ZNF704: variants seen among roughly 807,000 people sequenced by gnomAD.
ZNF704 encodes glucocorticoid induced gene 1.
Under a neutral mutation model 44.7 loss-of-function variants are expected in ZNF704, and 10 were observed. That is an observed-to-expected ratio of 0.22 (90% CI 0.14 to 0.38). ZNF704 has a LOEUF of 0.38. Ranked by LOEUF, ZNF704 falls within the 10% of genes least tolerant of loss-of-function variation. The pLI is 1.00. For synonymous variants in ZNF704, 211 were observed against 207.6 expected, an observed-to-expected ratio of 1.02 and a Z score of -0.14; for missense variants, 390 against 545.5, an observed-to-expected ratio of 0.71 and a Z score of 2.84.
At chr8:80,690,332 T>G (rs1245491549) in intron 3 of ZNF704, among the ~76,000 whole-genome samples, 2 of 152,186 alleles carry the variant, frequency 1.3e-5, no homozygotes, top group Non-Finnish European at 2.9e-5. Context: ...GTAAAAATAA[T>G]GATTACTTTA....
intron 1 of ZNF704, among the ~76,000 whole-genome samples, chr8:80,844,598 T>C (rs1277540667): frequency 6.6e-6 from 1 of 152,180 alleles, no homozygotes; most frequent in Non-Finnish European, 1.5e-5. Flanking sequence ...AGCAGGTGGC[T>C]TTACCATTAC....
intron 4 of ZNF704, among the ~76,000 whole-genome samples, chr8:80,682,210 A>G (rs574818654): frequency 6.6e-6 from 1 of 152,340 alleles, no homozygotes; most frequent in East Asian, 1.9e-4. Flanking sequence ...TGGAGCAGCC[A>G]TTCACAATTT....
chr8:80,674,446 T>C (rs1227453008), intron 4 of ZNF704, among the ~76,000 whole-genome samples: 1 of 152,180 alleles, frequency 6.6e-6, no homozygotes, highest in Non-Finnish European at 1.5e-5. Flanking sequence ...CCTGCTCAGG[T>C]TCTGGTGAGG....
At chr8:80,719,640 T>C (rs1194184504) in intron 2 of ZNF704, among the ~76,000 whole-genome samples, 1 of 152,170 alleles carries the variant, frequency 6.6e-6, no homozygotes, top group African/African-American at 2.4e-5. Context: ...CCATAAATCT[T>C]CTGTGGGGGC....
intron 2 of ZNF704, among the ~76,000 whole-genome samples, chr8:80,774,053 T>C (rs1807368995): frequency 7.3e-6 from 1 of 136,866 alleles, no homozygotes; most frequent in East Asian, 1.9e-4. Context: ...AAATCTTCTT[T>C]TTTTTTTTTT....
At chr8:80,687,861 TCA>T (rs1818566086) in intron 3 of ZNF704, among the ~76,000 whole-genome samples, 1 of 152,170 alleles carries the variant, frequency 6.6e-6, no homozygotes. Flanking sequence ...AATGGTTTGG[TCA>T]CAGAGTTCCC....
rs1242161868 is a variant in ZNF704 at position 80,693,112 on chromosome 8, A to G, written c.222-5T>C. 6.2e-7 allele frequency: 1 copy of G among 1,611,118 alleles called. No homozygotes were observed. Among genetic ancestry groups the G allele is most frequent in the South Asian group, 1.1e-5 (1 of 90,996 alleles). On this transcript the variant is annotated splice_polypyrimidine_tract_variant and splice_region_variant and intron_variant, in intron 2 of 8. Transcript: ENST00000327835. ...TCTAGTTCCTCTGAAGATTTCCTGTAAAACAGGAAGGGACACTGGTGACTG... is the reference window on the plus strand; with the variant it reads ...TCTAGTTCCTCTGAAGATTTCCTGTGAAACAGGAAGGGACACTGGTGACTG...
At chr8:80,752,816 C>T (rs1806970130) in intron 2 of ZNF704, among the ~76,000 whole-genome samples, 2 of 152,312 alleles carry the variant, frequency 1.3e-5, no homozygotes, top group Admixed American at 1.3e-4. Flanking sequence ...GCTGGGATTA[C>T]AGGCATGAGC....
intron 2 of ZNF704, among the ~76,000 whole-genome samples, chr8:80,716,080 GAA>G (rs113360555): frequency 5.5e-5 from 7 of 127,502 alleles, no homozygotes; most frequent in African/African-American, 1.1e-4. Flanking sequence ...ACTCTGTCTC[GAA>G]AAAAAAAAAA....
At chr8:80,747,870 C>A (rs929182940) in intron 2 of ZNF704, among the ~76,000 whole-genome samples, 1 of 152,178 alleles carries the variant, frequency 6.6e-6, no homozygotes, top group African/African-American at 2.4e-5. Context: ...GTGCATGCCA[C>A]CACACCTGGC....
intron 7 of ZNF704, among the ~76,000 whole-genome samples, chr8:80,653,975 A>G (rs569401966): frequency 3.3e-4 from 51 of 152,260 alleles, no homozygotes; most frequent in African/African-American, 1.2e-3. Context: ...TAGCATGGTA[A>G]TGGTACCAAA....
intron 2 of ZNF704, among the ~76,000 whole-genome samples, chr8:80,768,513 G>A (rs143390425): frequency 6.6e-6 from 1 of 152,262 alleles, no homozygotes; most frequent in Non-Finnish European, 1.5e-5. Flanking sequence ...TCTAGGTGAA[G>A]GCCATGGGTT....
Position 80,801,996 on chromosome 8 carries a change from A to G in ZNF704, c.221+19378T>C, listed in dbSNP as rs568534615. ...AATCAGAAATGATAACAGGGATATC[A>G]ACACTGACCCCACAGAAACATAAAC... On this transcript the variant is annotated intron_variant, in intron 2 of 8. Coordinates refer to ENST00000327835, the MANE Select transcript of ZNF704 (RefSeq NM_001033723.3). Among the ~76,000 whole-genome samples, 25 of 152,234 alleles carry G rather than the reference A, an allele frequency of 1.6e-4. No individual in the cohort carries two copies. The South Asian group carries it at 5.2e-3, about 32-fold the overall frequency.
intron 1 of ZNF704, among the ~76,000 whole-genome samples, chr8:80,852,561 T>C (rs1353556225): frequency 6.6e-6 from 1 of 152,234 alleles, no homozygotes; most frequent in Admixed American, 6.5e-5. Context: ...CAGAAGCTAC[T>C]TGCTACCACC....
chr8:80,814,878 AT>A (rs1016237702), intron 2 of ZNF704, among the ~76,000 whole-genome samples: 13 of 152,278 alleles, frequency 8.5e-5, no homozygotes, highest in Middle Eastern at 6.8e-3. Flanking sequence ...AAAAGATACC[AT>A]TTTTGTCTTA....
chr8:80,866,204 G>T (rs186352173), intron 1 of ZNF704, among the ~76,000 whole-genome samples: 1 of 152,192 alleles, frequency 6.6e-6, no homozygotes, highest in Admixed American at 6.5e-5. Flanking sequence ...CTCAAATTGT[G>T]GTAGCTAAGA....
Position 80,708,282 on chromosome 8 carries a change from G to A in ZNF704, c.222-15175C>T, listed in dbSNP as rs1372318353. ...CTCAAGGAACATGACTTCCCCAAAC[G>A]AATAAGCAGAAGAATCTGATACAGC... On this transcript the variant is annotated intron_variant, in intron 2 of 8. Transcript: ENST00000327835. Among the ~76,000 whole-genome samples the A allele has an allele frequency of 4.6e-5, 7 of 152,152 alleles. No individual in the cohort carries two copies. The East Asian group carries it at 9.6e-4, about 21-fold the overall frequency.
At chr8:80,705,679 G>A (rs562761915) in intron 2 of ZNF704, among the ~76,000 whole-genome samples, 2 of 152,174 alleles carry the variant, frequency 1.3e-5, no homozygotes, top group Admixed American at 1.3e-4. Context: ...GTGCATGGAG[G>A]AGGAGATGAG....
intron 2 of ZNF704, among the ~76,000 whole-genome samples, chr8:80,813,684 T>C (rs1349998249): frequency 1.3e-5 from 2 of 152,092 alleles, no homozygotes; most frequent in Non-Finnish European, 2.9e-5. Context: ...GAGACCATGC[T>C]GTCTTAACAC....
Sources: gnomAD v4.1 joint callset for allele counts (sites outside exome capture counted in the v4.1 genomes callset) on GRCh38, gnomAD v4.1.1 for gene constraint, MANE v1.5 for transcripts, NCBI Gene and HGNC (gene_info 2026-07-23, HGNC 2026-07-21) for gene names.